Variants in CNOT1 observed in about 807,000 individuals in gnomAD.
The protein encoded by CNOT1 is CCR4-associated factor 1.
CNOT1 carries 15 observed loss-of-function variants against 273.8 expected under a neutral mutation model. The observed-to-expected ratio is 0.05, with a 90% CI of 0.04 to 0.08. The LOEUF is 0.08. CNOT1 is among the 10% of genes least tolerant of loss of function. The probability of loss-of-function intolerance (pLI) is 1.00; values close to 1 mark genes in which losing one functional copy is unlikely to be tolerated. For synonymous variants in CNOT1, 1,022 were observed against 1,005.5 expected (o/e 1.02, Z -0.31); for missense variants, 1,644 against 2,912.2 (o/e 0.56, Z 10.02).
intron 1 of CNOT1, among the ~76,000 whole-genome samples, chr16:58,626,191 T>C (rs1275646484): frequency 6.6e-6 from 1 of 151,926 alleles, no homozygotes; most frequent in Non-Finnish European, 1.5e-5. Context: ...GCAGATCACC[T>C]GAGGTCAGGA....
intron 35 of CNOT1, 75 bp from the exon 36 acceptor site, chr16:58,538,989 T>G: frequency 6.4e-7 from 1 of 1,553,852 alleles, no homozygotes; most frequent in Non-Finnish European, 8.7e-7. Context: ...AGAAACCAAA[T>G]CTCAATGCCA....
Position 58,546,361 on chromosome 16 carries a change from A to G in CNOT1, c.3966T>C (p.Asp1322=), listed in dbSNP as rs150484861. The change falls in exon 29 of 49, where the codon GAT becomes GAC. Residue 1322 remains aspartate, a synonymous_variant. Coordinates refer to ENST00000317147, the MANE Select transcript of CNOT1 (RefSeq NM_016284.5). Reference sequence around the variant, plus strand: ...GAGGGAGTTCTTCTGGCTGCTTGACATCTTTCTTTGGAGCAGAGAGTTGCT... The same window carrying G: ...GAGGGAGTTCTTCTGGCTGCTTGACGTCTTTCTTTGGAGCAGAGAGTTGCT... ...LDEQLSAPKK[D]VKQPEELPPI... is the part of the protein sequence containing the mutation. The G allele has an allele frequency of 6.0e-5, 97 of 1,613,946 alleles. No homozygotes were observed. Among genetic ancestry groups the G allele is most frequent in the Admixed American group, 1.7e-4 (10 of 59,990 alleles).
chr16:58,584,767 A>AT (rs2041779320), intron 8 of CNOT1, among the ~76,000 whole-genome samples: 1 of 152,250 alleles, frequency 6.6e-6, no homozygotes. Context: ...TTTTTAAAAC[A>AT]TAAGGATTTT....
intron 1 of CNOT1, among the ~76,000 whole-genome samples, chr16:58,604,368 G>A (rs1420757140): frequency 6.6e-6 from 1 of 152,110 alleles, no homozygotes; most frequent in Admixed American, 6.6e-5. Context: ...TTCACTATAA[G>A]GGATTTGTAG....
chr16:58,521,145 T>A (rs1433258360), intron 48 of CNOT1, 38 bp downstream of exon 48: 2 of 1,613,458 alleles, frequency 1.2e-6, no homozygotes, highest in South Asian at 2.2e-5. Context: ...CAGTCTCCAG[T>A]CTCATTCCTA....
intron 1 of CNOT1, among the ~76,000 whole-genome samples, chr16:58,626,755 G>A (rs1317348966): frequency 1.2e-4 from 17 of 136,952 alleles, no homozygotes; most frequent in East Asian, 2.8e-4. Flanking sequence ...GTGAGACTCC[G>A]TCTCAAAAAA....
chr16:58,538,341 T>C, intron 36 of CNOT1, 75 bp from the exon 37 acceptor site: 3 of 763,332 alleles, frequency 3.9e-6, no homozygotes, highest in Non-Finnish European at 7.0e-6. Flanking sequence ...TCAATGGAAA[T>C]TTGCTCCAAA....
At chr16:58,567,348 C>T (rs1238376029) in intron 16 of CNOT1, among the ~76,000 whole-genome samples, 2 of 151,808 alleles carry the variant, frequency 1.3e-5, no homozygotes, top group African/African-American at 4.8e-5. Flanking sequence ...GCTGGCCGGG[C>T]GTGGTGGCTC....
At chr16:58,532,660 G>T in intron 40 of CNOT1, 1 of 439,068 alleles carries the variant, frequency 2.3e-6, no homozygotes, top group Non-Finnish European at 3.9e-6. Context: ...TTCTTCTTCA[G>T]CTCTAGAAAT....
chr16:58,604,221 C>T (rs918579303), intron 1 of CNOT1, among the ~76,000 whole-genome samples: 22 of 152,110 alleles, frequency 1.4e-4, no homozygotes, highest in African/African-American at 5.3e-4. Context: ...TTTGGGTCAC[C>T]ATGTCATTAT....
intron 1 of CNOT1, among the ~76,000 whole-genome samples, chr16:58,605,227 G>A (rs1007074880): frequency 5.9e-5 from 9 of 152,086 alleles, no homozygotes; most frequent in African/African-American, 2.2e-4. Context: ...ATATTGCTGG[G>A]CGTGGTGGCT....
chr16:58,550,510 T>C (rs1487115041), intron 24 of CNOT1, among the ~76,000 whole-genome samples: 2 of 152,210 alleles, frequency 1.3e-5, no homozygotes, highest in Admixed American at 1.3e-4. Context: ...TTTTCCTTCA[T>C]AGTTTTTCTA....
chr16:58,560,728 G>C (rs2040808555), intron 16 of CNOT1, among the ~76,000 whole-genome samples: 1 of 152,116 alleles, frequency 6.6e-6, no homozygotes, highest in African/African-American at 2.4e-5. Context: ...TATTAAATAA[G>C]TATTAAAAAG....
chr16:58,555,875 T>C lies in CNOT1; in HGVS notation c.2513A>G (p.Gln838Arg), dbSNP rs2040612425. Reference sequence around the variant, plus strand: ...ATCATCTATCTCTTTACTAAAGTGCTGGTTTGCCTCTGGCCACACCTGAGA... The same window carrying C: ...ATCATCTATCTCTTTACTAAAGTGCCGGTTTGCCTCTGGCCACACCTGAGA... ...DLSQVWPEAN[Q>R]HFSKEIDDEA... The change falls in exon 20 of 49, where the codon CAG becomes CGG. Residue 838 changes from glutamine (Q) to arginine (R), a missense_variant. Around this residue, in one of 13 missense-constraint regions of CNOT1, gnomAD observed 74 missense variants for 184.6 expected, o/e 0.40. Transcript: ENST00000317147. The C allele has an allele frequency of 1.2e-6, 2 of 1,613,622 alleles. No individual in the cohort carries two copies. Among genetic ancestry groups the C allele is most frequent in the Admixed American group, 1.7e-5 (1 of 60,020 alleles).
chr16:58,528,381 T>G lies in CNOT1; in HGVS notation c.6453+94A>C, dbSNP rs2039670681. 6 of 847,936 alleles carry G rather than the reference T, an allele frequency of 7.1e-6. No homozygotes were observed. In the East Asian group the frequency reaches 1.4e-4, roughly 20 times the overall value. 52.5% of individuals were successfully genotyped at this position (847,936 alleles called of 1,614,324 possible). On this transcript the variant is annotated intron_variant, in intron 44 of 48. Transcript: ENST00000317147. ...TACCCTTAACTAATAGTGTGCGTGT[T>G]ATGTTGGGTAGGAAAGTGCTGAACA...
chr16:58,586,860 ATC>A (rs1217864159), intron 6 of CNOT1, 112 bp from the exon 7 acceptor site: 1 of 1,212,314 alleles, frequency 8.2e-7, no homozygotes, highest in South Asian at 1.4e-5. Flanking sequence ...CAGTTCACCC[ATC>A]TCTCTAATGC....
chr16:58,620,338 C>G (rs749027719), intron 1 of CNOT1, among the ~76,000 whole-genome samples: 5 of 152,010 alleles, frequency 3.3e-5, no homozygotes, highest in African/African-American at 4.8e-5. Flanking sequence ...AGATGACATT[C>G]CAGATGTAAA....
chr16:58,607,721 C>CAAAAAAAAAAAAAAAA (rs71385179), intron 1 of CNOT1, among the ~76,000 whole-genome samples: 28 of 67,014 alleles, frequency 4.2e-4, no homozygotes, highest in South Asian at 6.0e-4. Flanking sequence ...CAGCAAAACT[C>CAAAAAAAAAAAAAAAA]AAAAAAAAAA....
chr16:58,611,542 C>T (rs916200212), intron 1 of CNOT1, among the ~76,000 whole-genome samples: 6 of 151,536 alleles, frequency 4.0e-5, no homozygotes, highest in African/African-American at 1.5e-4. Context: ...TTTAAGAAGC[C>T]GGGAACAGTG....
Sources: gnomAD v4.1 joint callset for allele counts (sites outside exome capture counted in the v4.1 genomes callset) on GRCh38, gnomAD v4.1.1 for gene constraint, gnomAD v4.1.1 regional missense constraint, MANE v1.5 for transcripts, NCBI Gene and HGNC (gene_info 2026-07-23, HGNC 2026-07-21) for gene names.